DDAH1: variants seen among roughly 807,000 people sequenced by gnomAD.
The protein encoded by DDAH1 is dimethylarginine dimethylaminohydrolase 1.
DDAH1 carries 19 observed loss-of-function variants against 28.8 expected under a neutral mutation model. That is an observed-to-expected ratio of 0.66 (90% confidence interval 0.46 to 0.97). DDAH1 has a LOEUF of 0.97. Among genes scored for constraint, DDAH1 ranks in the 50% least tolerant of loss-of-function variants. The pLI is 0.00. For synonymous variants in DDAH1, 153 were observed against 154.4 expected (o/e 0.99, Z 0.07); for missense variants, 326 against 375.9 (o/e 0.87, Z 1.10).
chr1:85,435,204 G>C (rs1033344515), intron 1 of DDAH1: 12 of 152,178 alleles, frequency 7.9e-5, no homozygotes, highest in African/African-American at 2.9e-4. Flanking sequence ...ATAGTGAGAA[G>C]GCAGGGGAAG....
At chr1:85,513,202 C>G (rs1265473482) in intron 1 of DDAH1, among the ~76,000 whole-genome samples, 1 of 152,164 alleles carries the variant, frequency 6.6e-6, no homozygotes, top group Non-Finnish European at 1.5e-5. Context: ...CACCACACGT[C>G]TACAACCATC....
chr1:85,418,282 T>C (rs1232902233), intron 1 of DDAH1, among the ~76,000 whole-genome samples: 1 of 152,246 alleles, frequency 6.6e-6, no homozygotes, highest in East Asian at 1.9e-4. Context: ...ATTCAGGGTC[T>C]CTCTACAATG....
intron 1 of DDAH1, among the ~76,000 whole-genome samples, chr1:85,435,957 A>AT (rs112689101): frequency 0.52 from 76,313 of 147,404 alleles, 19,653 homozygotes; most frequent in Middle Eastern, 0.62. Context: ...TGCCCGGCTA[A>AT]TTTTGTGTGT....
intron 1 of DDAH1, among the ~76,000 whole-genome samples, chr1:85,426,805 G>A (rs1296138951): frequency 6.6e-6 from 1 of 151,462 alleles, no homozygotes; most frequent in African/African-American, 2.4e-5. Flanking sequence ...CTAGCTACTT[G>A]GGAGGCTGAG....
intron 1 of DDAH1, among the ~76,000 whole-genome samples, chr1:85,368,616 C>T (rs1266703932): frequency 6.6e-6 from 1 of 152,122 alleles, no homozygotes; most frequent in Non-Finnish European, 1.5e-5. Context: ...ACTTAAAAGC[C>T]ACTGACGTTC....
chr1:85,537,339 T>A (rs1320911061), intron 1 of DDAH1, among the ~76,000 whole-genome samples: 1 of 149,628 alleles, frequency 6.7e-6, no homozygotes, highest in Admixed American at 6.7e-5. Flanking sequence ...GTCTCAAAAA[T>A]AATAATAATA....
intron 1 of DDAH1, among the ~76,000 whole-genome samples, chr1:85,563,819 T>C (rs1306591397): frequency 6.6e-6 from 1 of 152,248 alleles, no homozygotes; most frequent in Non-Finnish European, 1.5e-5. Flanking sequence ...AGATTAAGCA[T>C]GCTAAGTAGC....
intron 1 of DDAH1, among the ~76,000 whole-genome samples, chr1:85,389,096 C>G (rs912049823): frequency 3.9e-5 from 6 of 152,004 alleles, no homozygotes; most frequent in African/African-American, 7.3e-5. Context: ...AATCCCAGCA[C>G]TTTGGGAGGC....
chr1:85,399,272 C>G lies in DDAH1; in HGVS notation c.304-40425G>C, dbSNP rs531485631. ...GAAAAGTTTTAAAGGTTGCACACAG[C>G]CATTCATCAAACACCAAAGAGTCTC... On this transcript the variant is annotated intron_variant, in intron 1 of 5. Coordinates refer to ENST00000284031, the MANE Select transcript of DDAH1 (RefSeq NM_012137.4). 4.6e-5 allele frequency: 7 copies of G among 152,304 alleles called. No individual in the cohort carries two copies. The East Asian group carries it at 1.3e-3, about 29-fold the overall frequency. 9.4% of individuals were successfully genotyped at this position (152,304 alleles called of 1,614,324 possible). A position where few individuals can be genotyped will look rare whatever the true frequency, so the allele number is the denominator to read the frequency against.
intron 2 of DDAH1, among the ~76,000 whole-genome samples, chr1:85,476,052 A>C (rs1201004500): frequency 6.6e-6 from 1 of 152,066 alleles, no homozygotes; most frequent in East Asian, 1.9e-4. Context: ...TTATACAGAC[A>C]GGTTTCGCCA....
chr1:85,344,805 A>G (rs1029857557), intron 4 of DDAH1, among the ~76,000 whole-genome samples: 5 of 152,192 alleles, frequency 3.3e-5, no homozygotes, highest in African/African-American at 1.2e-4. Flanking sequence ...GGATCTAGAA[A>G]AAGAACAAGG....
intron 1 of DDAH1, among the ~76,000 whole-genome samples, chr1:85,547,841 A>T (rs1658673759): frequency 6.6e-6 from 1 of 152,226 alleles, no homozygotes; most frequent in Admixed American, 6.5e-5. Context: ...GTCCCAAGAG[A>T]TCTATAAAAA....
chr1:85,461,799 C>T (rs1146386), intron 1 of DDAH1, among the ~76,000 whole-genome samples: 103,590 of 152,032 alleles, frequency 0.68, 35,332 homozygotes, highest in African/African-American at 0.7. Context: ...GCAATTATCA[C>T]GTGGTATGAT....
intron 2 of DDAH1, among the ~76,000 whole-genome samples, chr1:85,475,824 T>C (rs979058527): frequency 2.6e-5 from 4 of 151,970 alleles, no homozygotes; most frequent in African/African-American, 7.2e-5. Context: ...TCTGAGGTGG[T>C]TGGGTTTTGT....
chr1:85,359,494 C>G (rs1649672084), intron 1 of DDAH1, among the ~76,000 whole-genome samples: 1 of 152,164 alleles, frequency 6.6e-6, no homozygotes, highest in Admixed American at 6.5e-5. Flanking sequence ...CATTTTAAAT[C>G]TTATGTCAGT....
intron 1 of DDAH1, among the ~76,000 whole-genome samples, chr1:85,456,327 G>A (rs1022035646): frequency 1.3e-5 from 2 of 152,214 alleles, no homozygotes; most frequent in African/African-American, 2.4e-5. Flanking sequence ...ACAGCAAATA[G>A]AAATTAGTTT....
At chr1:85,501,828 C>A (rs1425758249) in intron 1 of DDAH1, among the ~76,000 whole-genome samples, 1 of 152,206 alleles carries the variant, frequency 6.6e-6, no homozygotes, top group Non-Finnish European at 1.5e-5. Context: ...CTAGTAACTT[C>A]ATCAAAGCCA....
At chr1:85,390,828 A>C (rs1021172885) in intron 1 of DDAH1, among the ~76,000 whole-genome samples, 1 of 152,148 alleles carries the variant, frequency 6.6e-6, no homozygotes, top group African/African-American at 2.4e-5. Flanking sequence ...TCACGTACAG[A>C]ATTATGGCTC....
chr1:85,339,046 C>CAAA (rs67167548), intron 4 of DDAH1, among the ~76,000 whole-genome samples: 1 of 138,526 alleles, frequency 7.2e-6, no homozygotes, highest in African/African-American at 2.8e-5. Context: ...GACTCCGTCT[C>CAAA]AAAAAAAAAA....
Sources: allele counts gnomAD v4.1 joint callset (sites outside exome capture counted in the v4.1 genomes callset), GRCh38; gene constraint gnomAD v4.1.1; transcripts MANE v1.5; gene names NCBI Gene and HGNC (gene_info 2026-07-23, HGNC 2026-07-21).